Variants in ZDHHC14 observed in about 807,000 individuals in gnomAD.
The protein encoded by ZDHHC14 is palmitoyltransferase ZDHHC14.
Under a neutral mutation model 47.7 loss-of-function variants are expected in ZDHHC14, and 16 were observed. The ratio of observed to expected loss-of-function variants is 0.34; its 90% CI spans 0.23 to 0.51. The LOEUF (loss-of-function observed/expected upper bound fraction) is 0.51, where lower values mean the gene tolerates loss of function less well. Among genes scored for constraint, ZDHHC14 ranks in the 20% least tolerant of loss-of-function variants. The pLI is 0.97. For synonymous variants in ZDHHC14, 293 were observed against 278.9 expected, an observed-to-expected ratio of 1.05 and a Z score of -0.50; for missense variants, 515 against 662.5, an observed-to-expected ratio of 0.78 and a Z score of 2.44.
rs190141854 is a variant in ZDHHC14 at position 157,393,005 on chromosome 6, G to A, written c.245+10739G>A. 3.4e-3 allele frequency among the ~76,000 whole-genome samples: 516 copies of A among 152,008 alleles called. 5 individuals are homozygous for A. Among genetic ancestry groups the A allele is most frequent in the African/African-American group, 0.012 (488 of 41,446 alleles). ...AGCAATTGTCCTGCCTCAGCCTCTC[G>A]AGTAGCTGGGATTATAGGCGTGCAC... On this transcript the variant is annotated intron_variant, in intron 1 of 8. Transcript: ENST00000359775.
At chr6:157,670,743 A>G (rs1409834578) in intron 8 of ZDHHC14, among the ~76,000 whole-genome samples, 1 of 151,400 alleles carries the variant, frequency 6.6e-6, no homozygotes, top group Admixed American at 6.5e-5. Flanking sequence ...AGCCACAGAA[A>G]AGCAAGGATC....
intron 2 of ZDHHC14, among the ~76,000 whole-genome samples, chr6:157,552,638 C>A (rs896282754): frequency 1.3e-5 from 2 of 151,996 alleles, no homozygotes; most frequent in African/African-American, 4.8e-5. Context: ...AGGAGACTGA[C>A]CTGGGAAGAC....
At chr6:157,562,958 G>A (rs1391915724) in intron 2 of ZDHHC14, among the ~76,000 whole-genome samples, 1 of 151,950 alleles carries the variant, frequency 6.6e-6, no homozygotes, top group Non-Finnish European at 1.5e-5. Flanking sequence ...TGCAAGAGCT[G>A]TGCATTCCTG....
intron 1 of ZDHHC14, among the ~76,000 whole-genome samples, chr6:157,391,088 GGCTTCA>G (rs1253615539): frequency 1.3e-5 from 2 of 152,090 alleles, no homozygotes; most frequent in Admixed American, 6.5e-5. Flanking sequence ...TTTTATCACT[GGCTTCA>G]AATGTTTTGA....
intron 1 of ZDHHC14, among the ~76,000 whole-genome samples, chr6:157,430,739 C>T (rs1013465918): frequency 1.3e-5 from 2 of 152,226 alleles, no homozygotes; most frequent in East Asian, 1.9e-4. Context: ...TGGCGATTAG[C>T]GTATGGACAT....
At chr6:157,659,037 G>A (rs1778230102) in intron 8 of ZDHHC14, among the ~76,000 whole-genome samples, 1 of 152,088 alleles carries the variant, frequency 6.6e-6, no homozygotes, top group Non-Finnish European at 1.5e-5. Flanking sequence ...AGTCTCAGTG[G>A]TATGTGTCTT....
chr6:157,619,213 T>C (rs1329448350), intron 3 of ZDHHC14, among the ~76,000 whole-genome samples: 1 of 147,576 alleles, frequency 6.8e-6, no homozygotes, highest in Non-Finnish European at 1.5e-5. Flanking sequence ...AAACGCCGTC[T>C]CTACTAAAAA....
At chr6:157,550,496 C>T (rs1161693739) in intron 2 of ZDHHC14, among the ~76,000 whole-genome samples, 2 of 150,666 alleles carry the variant, frequency 1.3e-5, no homozygotes, top group Non-Finnish European at 2.9e-5. Flanking sequence ...GTCACACAGG[C>T]ACTCTAGAGA....
rs184693650 is a variant in ZDHHC14, at chr6:157,592,849, C to T, written c.407-139C>T. 2.4e-4 allele frequency: 351 copies of T among 1,474,964 alleles called. 1 individual carries two copies. In the African/African-American group the frequency reaches 4.6e-3, roughly 19 times the overall value. The allele number at this position is 1,474,964 out of a possible 1,614,324, so 91.4% of individuals were successfully genotyped here. On this transcript the variant is annotated intron_variant, in intron 2 of 8. Coordinates refer to ENST00000359775, the MANE Select transcript of ZDHHC14 (RefSeq NM_024630.3). ...CGGAGGGTGAGTCCCAGAGCCCCAGCCTGGGTAAACCGTGGGCACCGGGGG... is the reference window on the plus strand; with the variant it reads ...CGGAGGGTGAGTCCCAGAGCCCCAGTCTGGGTAAACCGTGGGCACCGGGGG...
At chr6:157,641,851 G>T (rs1220013038) in intron 5 of ZDHHC14, among the ~76,000 whole-genome samples, 2 of 152,162 alleles carry the variant, frequency 1.3e-5, no homozygotes, top group Non-Finnish European at 1.5e-5. Context: ...TGTGGATGTG[G>T]TGCAAGCTGA....
chr6:157,639,689 G>A (rs547222745), intron 5 of ZDHHC14, among the ~76,000 whole-genome samples: 30 of 152,310 alleles, frequency 2.0e-4, no homozygotes, highest in Non-Finnish European at 4.0e-4. Flanking sequence ...CGGTGGCAGA[G>A]GGACAGCTCA....
chr6:157,544,831 T>C (rs575222806), intron 2 of ZDHHC14, among the ~76,000 whole-genome samples: 1 of 152,294 alleles, frequency 6.6e-6, no homozygotes, highest in Admixed American at 6.5e-5. Context: ...TGGAAAGCAG[T>C]TTCTCAGAAT....
At chr6:157,517,048 G>A (rs1225132417) in intron 1 of ZDHHC14, among the ~76,000 whole-genome samples, 4 of 152,144 alleles carry the variant, frequency 2.6e-5, no homozygotes, top group East Asian at 1.9e-4. Context: ...TTTTTATACC[G>A]TGGTTGTACC....
chr6:157,602,792 G>T (rs905174890), intron 3 of ZDHHC14, among the ~76,000 whole-genome samples: 1 of 152,220 alleles, frequency 6.6e-6, no homozygotes, highest in South Asian at 2.1e-4. Context: ...GGAGTGCTAC[G>T]TACCCAGGCT....
intron 1 of ZDHHC14, among the ~76,000 whole-genome samples, chr6:157,396,070 C>T (rs147958769): frequency 7.7e-4 from 117 of 152,186 alleles, no homozygotes; most frequent in Non-Finnish European, 1.5e-3. Flanking sequence ...GAGTAGACCT[C>T]CCTGTCTCCC....
intron 1 of ZDHHC14, among the ~76,000 whole-genome samples, chr6:157,487,025 T>C (rs981651287): frequency 2.0e-5 from 3 of 152,202 alleles, no homozygotes; most frequent in African/African-American, 7.2e-5. Context: ...CATAGAAAGA[T>C]TCAGCAACTA....
intron 2 of ZDHHC14, among the ~76,000 whole-genome samples, chr6:157,590,048 G>T (rs1012376903): frequency 1.3e-5 from 2 of 152,204 alleles, no homozygotes; most frequent in Admixed American, 6.5e-5. Flanking sequence ...GTGGCATTTT[G>T]CCCTGCCCTA....
At chr6:157,519,236 T>C (rs1780822477) in intron 1 of ZDHHC14, among the ~76,000 whole-genome samples, 1 of 152,270 alleles carries the variant, frequency 6.6e-6, no homozygotes, top group African/African-American at 2.4e-5. Flanking sequence ...ACTATGATAG[T>C]GTCTCTACTT....
At chr6:157,662,272 C>G (rs1422159050) in intron 8 of ZDHHC14, among the ~76,000 whole-genome samples, 1 of 152,146 alleles carries the variant, frequency 6.6e-6, no homozygotes, top group East Asian at 1.9e-4. Context: ...CTCTTGACCT[C>G]CCGGGTTCAA....
Sources: allele counts gnomAD v4.1 joint callset (sites outside exome capture counted in the v4.1 genomes callset), GRCh38; gene constraint gnomAD v4.1.1; transcripts MANE v1.5; gene names NCBI Gene and HGNC (gene_info 2026-07-23, HGNC 2026-07-21).